Variants in PTPRN2 observed in about 807,000 individuals in gnomAD.
PTPRN2 encodes receptor-type tyrosine-protein phosphatase N2.
PTPRN2 carries 74 observed loss-of-function variants against 118.8 expected under a neutral mutation model. That is an observed-to-expected ratio of 0.62 (90% CI 0.52 to 0.76). PTPRN2 has a LOEUF of 0.76. PTPRN2 is among the 30% of genes least tolerant of loss of function. The pLI, the probability that PTPRN2 is intolerant of heterozygous loss-of-function variation, is 0.00. For missense variants in PTPRN2, 1,481 were observed against 1,394.4 expected (o/e 1.06, Z -0.99); for synonymous variants, 641 against 608.0 (o/e 1.05, Z -0.80).
intron 3 of PTPRN2, among the ~76,000 whole-genome samples, chr7:158,292,011 A>G (rs1301941540): frequency 4.6e-5 from 7 of 152,234 alleles, no homozygotes; most frequent in Non-Finnish European, 7.3e-5. Context: ...GAATTATTTC[A>G]AAGAATAAAA....
At chr7:157,951,542 C>A (rs1563267716) in intron 11 of PTPRN2, among the ~76,000 whole-genome samples, 1 of 152,132 alleles carries the variant, frequency 6.6e-6, no homozygotes, top group Non-Finnish European at 1.5e-5. Flanking sequence ...GTCTCTGGGA[C>A]CCCCCTTCCA....
At chr7:158,229,262 A>G (rs754331149) in intron 3 of PTPRN2, among the ~76,000 whole-genome samples, 4 of 152,084 alleles carry the variant, frequency 2.6e-5, no homozygotes, top group Non-Finnish European at 5.9e-5. Context: ...CTCTAAGCAA[A>G]TGTATCCAAT....
chr7:157,623,367 C>T (rs186120444), intron 14 of PTPRN2, among the ~76,000 whole-genome samples: 277 of 152,216 alleles, frequency 1.8e-3, no homozygotes, highest in African/African-American at 6.2e-3. Flanking sequence ...ATAGGTAGGT[C>T]GAAAATGGTT....
intron 12 of PTPRN2, among the ~76,000 whole-genome samples, chr7:157,765,172 T>A (rs1802377533): frequency 6.7e-6 from 1 of 148,782 alleles, no homozygotes; most frequent in Non-Finnish European, 1.5e-5. Flanking sequence ...CTTTTATCCA[T>A]CCAACCATCC....
chr7:157,656,434 C>T lies in PTPRN2; in HGVS notation c.2119G>A (p.Ala707Thr), dbSNP rs200948674. The change falls in exon 14 of 23, where the codon GCA becomes ACA. Residue 707 changes from alanine (A) to threonine (T), a missense_variant. By Grantham distance (58) the Ala-to-Thr change is moderately conservative. Coordinates refer to ENST00000389418, the MANE Select transcript of PTPRN2 (RefSeq NM_002847.5). ...GACCAGGATGAGGCGCTGCTGCGTG[C>T]GGAGGGGCTGGGGATCGGCCCGTCG... ...FSDGPIPSPSARSSASSWSEE... is the reference protein window; with the variant it reads ...FSDGPIPSPSTRSSASSWSEE... 22 of 1,554,004 alleles carry T rather than the reference C, an allele frequency of 1.4e-5. No homozygotes were observed. The highest frequency in any genetic ancestry group is 9.7e-5 in the East Asian group (4 of 41,212).
intron 10 of PTPRN2, among the ~76,000 whole-genome samples, chr7:158,106,949 G>A (rs1331467012): frequency 6.6e-6 from 1 of 152,152 alleles, no homozygotes; most frequent in Non-Finnish European, 1.5e-5. Flanking sequence ...GGTCTTGGGA[G>A]CTTCTTCTAT....
At chr7:157,832,077 T>C (rs555132176) in intron 12 of PTPRN2, among the ~76,000 whole-genome samples, 15 of 152,248 alleles carry the variant, frequency 9.9e-5, no homozygotes, top group East Asian at 3.9e-4. Context: ...AACCATGTGA[T>C]GAATTCTTCA....
At chr7:158,068,811 A>G (rs529765222) in intron 11 of PTPRN2, among the ~76,000 whole-genome samples, 138 of 152,366 alleles carry the variant, frequency 9.1e-4, no homozygotes, top group African/African-American at 2.9e-3. Flanking sequence ...ACTTTTGCCC[A>G]TGACTTCTCA....
chr7:157,582,595 G>T (rs1015095557), intron 17 of PTPRN2, among the ~76,000 whole-genome samples: 2 of 152,136 alleles, frequency 1.3e-5, no homozygotes, highest in Admixed American at 1.3e-4. Flanking sequence ...AGTATGGAGG[G>T]CCAGGCACGG....
chr7:158,283,384 A>G (rs1799560774), intron 3 of PTPRN2, among the ~76,000 whole-genome samples: 1 of 152,192 alleles, frequency 6.6e-6, no homozygotes, highest in Non-Finnish European at 1.5e-5. Context: ...CCCAGAGCCC[A>G]GCCTCTTGTA....
At chr7:158,131,017 C>T (rs962576447) in intron 9 of PTPRN2, among the ~76,000 whole-genome samples, 2 of 150,346 alleles carry the variant, frequency 1.3e-5, no homozygotes, top group Non-Finnish European at 2.9e-5. Flanking sequence ...ACCTGACATA[C>T]TCATATACAC....
chr7:157,815,799 C>T (rs1324412008), intron 12 of PTPRN2, among the ~76,000 whole-genome samples: 1 of 152,200 alleles, frequency 6.6e-6, no homozygotes, highest in African/African-American at 2.4e-5. Flanking sequence ...AAGCAGCACA[C>T]ATGCATGCCA....
rs1802934479 is a variant in PTPRN2, at chr7:157,618,431, G to C, written c.2344+2931C>G. 1 of 152,444 alleles carries C rather than the reference G, an allele frequency of 6.6e-6. No homozygotes were observed. The allele number at this position is 152,444 out of a possible 1,614,324, so 9.4% of individuals were successfully genotyped here. On this transcript the variant is annotated intron_variant, in intron 15 of 22. Transcript: ENST00000389418. This position sits in a 1 kb window ranked among gnomAD's most constrained non-coding sequence, Gnocchi z 4.2. ...GACTCGCTTCCATCGCGACACAGAG[G>C]ACAGCATGGAGCCCAGCTCGAGTGC...
chr7:158,216,438 A>G (rs1417357105), intron 3 of PTPRN2, among the ~76,000 whole-genome samples: 1 of 151,390 alleles, frequency 6.6e-6, no homozygotes, highest in African/African-American at 2.4e-5. Context: ...GGTTTTTTTT[A>G]AAAAAAGACT....
At chr7:158,040,967 G>A (rs1379040408) in intron 11 of PTPRN2, among the ~76,000 whole-genome samples, 14 of 152,140 alleles carry the variant, frequency 9.2e-5, no homozygotes, top group African/African-American at 2.9e-4. Flanking sequence ...TCCTGACCTC[G>A]TGATCTGCCC....
At chr7:158,068,071 G>A (rs1381813461) in intron 11 of PTPRN2, among the ~76,000 whole-genome samples, 1 of 152,240 alleles carries the variant, frequency 6.6e-6, no homozygotes, top group Non-Finnish European at 1.5e-5. Flanking sequence ...CTGGGCTGGA[G>A]GAGAGCTGAG....
chr7:157,812,816 G>T (rs142665467), intron 12 of PTPRN2, among the ~76,000 whole-genome samples: 1 of 152,124 alleles, frequency 6.6e-6, no homozygotes, highest in Non-Finnish European at 1.5e-5. Context: ...TTGAGTTCCC[G>T]GAGCGGTAGC....
chr7:157,706,323 T>C lies in PTPRN2; in HGVS notation c.1789-23386A>G, dbSNP rs545189644. 9.2e-5 allele frequency among the ~76,000 whole-genome samples: 14 copies of C among 152,052 alleles called. No homozygotes were observed. The South Asian group carries it at 1.7e-3, about 18-fold the overall frequency. On this transcript the variant is annotated intron_variant, in intron 12 of 22. Transcript: ENST00000389418. ...TTAGCGTGAACCCCATTCCTCCAGA[T>C]GGCGGGAACTGAGTGAATCTGACCC...
intron 10 of PTPRN2, among the ~76,000 whole-genome samples, chr7:158,106,855 G>C (rs1815730269): frequency 6.6e-6 from 1 of 152,094 alleles, no homozygotes; most frequent in South Asian, 2.1e-4. Context: ...CACTTCCCCA[G>C]GATCCCATAA....
Sources: gnomAD v4.1 joint callset for allele counts (sites outside exome capture counted in the v4.1 genomes callset) on GRCh38, gnomAD v4.1.1 for gene constraint, Gnocchi (gnomAD v3.1) non-coding constraint, MANE v1.5 for transcripts, NCBI Gene and HGNC (gene_info 2026-07-23, HGNC 2026-07-21) for gene names.